Variants in CDH13 observed in about 807,000 individuals in gnomAD.
CDH13 encodes the protein cadherin 13.
CDH13 carries 24 observed loss-of-function variants against 63.8 expected under a neutral mutation model. That is an observed-to-expected ratio of 0.38 (90% CI 0.27 to 0.53). CDH13 has a LOEUF of 0.53. Ranked by LOEUF, CDH13 falls within the 20% of genes least tolerant of loss-of-function variation. CDH13 has a pLI of 0.85. For missense variants in CDH13, 1,049 were observed against 903.1 expected (o/e 1.16, Z -2.07); for synonymous variants, 503 against 355.3 (o/e 1.42, Z -4.67).
At chr16:83,376,015 G>T (rs1323191133) in intron 6 of CDH13, among the ~76,000 whole-genome samples, 1 of 152,180 alleles carries the variant, frequency 6.6e-6, no homozygotes, top group African/African-American at 2.4e-5. Context: ...ACCAAGAGGA[G>T]CTTTAGGGAT....
intron 3 of CDH13, among the ~76,000 whole-genome samples, chr16:83,054,702 A>G (rs2030740517): frequency 6.6e-6 from 1 of 152,202 alleles, no homozygotes; most frequent in Non-Finnish European, 1.5e-5. Flanking sequence ...AAACTAATAT[A>G]TATAATAGAA....
intron 7 of CDH13, among the ~76,000 whole-genome samples, chr16:83,592,854 A>G (rs1194835410): frequency 6.6e-6 from 1 of 152,198 alleles, no homozygotes; most frequent in Non-Finnish European, 1.5e-5. Flanking sequence ...AGGTAAGGTG[A>G]AAAGAGGCCT....
At chr16:83,646,268 C>T (rs557088083) in intron 8 of CDH13, among the ~76,000 whole-genome samples, 5 of 152,302 alleles carry the variant, frequency 3.3e-5, no homozygotes, top group East Asian at 3.9e-4. Context: ...GAGCTCATGA[C>T]GGTAACCTAC....
chr16:83,436,962 G>C (rs1314512677), intron 6 of CDH13, among the ~76,000 whole-genome samples: 1 of 152,144 alleles, frequency 6.6e-6, no homozygotes, highest in African/African-American at 2.4e-5. Flanking sequence ...TAATGTAGGA[G>C]ACTGGGATGG....
intron 6 of CDH13, among the ~76,000 whole-genome samples, chr16:83,442,448 C>T (rs1290194949): frequency 6.6e-6 from 1 of 152,236 alleles, no homozygotes; most frequent in Non-Finnish European, 1.5e-5. Flanking sequence ...TGGCCAGTAT[C>T]TTTCTGGATG....
intron 1 of CDH13, among the ~76,000 whole-genome samples, chr16:82,773,105 G>A (rs918765705): frequency 1.3e-5 from 2 of 152,216 alleles, no homozygotes; most frequent in African/African-American, 4.8e-5. Context: ...TCATCTCTCA[G>A]AATCAGCTCC....
intron 7 of CDH13, among the ~76,000 whole-genome samples, chr16:83,558,110 C>G (rs1190033897): frequency 6.6e-6 from 1 of 152,166 alleles, no homozygotes; most frequent in Admixed American, 6.5e-5. Flanking sequence ...AAGAGTTTTG[C>G]TACACTGACA....
chr16:83,731,055 A>G (rs146880827), intron 10 of CDH13, among the ~76,000 whole-genome samples: 111 of 152,298 alleles, frequency 7.3e-4, no homozygotes, highest in African/African-American at 2.6e-3. Context: ...TTCTTTATCC[A>G]TTCCACCATT....
chr16:82,938,069 G>C (rs9938070), intron 2 of CDH13, among the ~76,000 whole-genome samples: 11,033 of 152,178 alleles, frequency 0.073, 1,270 homozygotes, highest in African/African-American at 0.24. Flanking sequence ...CTGCAACAGC[G>C]GTAGCAACAA....
Position 83,656,642 on chromosome 16 carries a change from G to A in CDH13, c.1102-14148G>A, listed in dbSNP as rs540355271. Among the ~76,000 whole-genome samples, 354 of 152,336 alleles carry A rather than the reference G, an allele frequency of 2.3e-3. 2 individuals are homozygous for A. Among genetic ancestry groups the A allele is most frequent in the African/African-American group, 8.1e-3 (336 of 41,570 alleles). On this transcript the variant is annotated intron_variant, in intron 8 of 13. Coordinates refer to ENST00000567109, the MANE Select transcript of CDH13 (RefSeq NM_001257.5). ...ACCCTTGAATGGTAAAGGTGATTTA[G>A]TGGAATCTTGATCAAGGCTCCTGAG... is the stretch of plus-strand genomic sequence containing the variant.
chr16:83,439,153 G>C (rs2072410050), intron 6 of CDH13, among the ~76,000 whole-genome samples: 2 of 152,176 alleles, frequency 1.3e-5, no homozygotes, highest in African/African-American at 4.8e-5. Context: ...TTTAAAATCA[G>C]AGTAATAATA....
intron 3 of CDH13, among the ~76,000 whole-genome samples, chr16:83,077,417 T>C (rs1474378043): frequency 3.3e-5 from 5 of 152,006 alleles, no homozygotes; most frequent in Non-Finnish European, 7.4e-5. Context: ...GGTCTCGAAC[T>C]CCTGACCTCA....
Position 83,678,406 on chromosome 16 carries a change from G to T in CDH13, c.1483G>T (p.Val495Leu). 1 of 1,613,950 alleles carries T rather than the reference G, an allele frequency of 6.2e-7. No homozygotes were observed. Reference sequence around the variant, plus strand: ...GCAGGAGGACCTCTCTGTGGGCAGCGTGCTGCTGACAGTGAATGCCACGGA... The same window carrying T: ...GCAGGAGGACCTCTCTGTGGGCAGCTTGCTGCTGACAGTGAATGCCACGGA... ...TRQEDLSVGSVLLTVNATDPD... is the reference protein window; with the variant it reads ...TRQEDLSVGSLLLTVNATDPD... Residue 495 changes from valine (V) to leucine (L), a missense_variant, in exon 10 of 14, where the codon GTG becomes TTG. Val to Leu is a conservative substitution (Grantham distance 32, BLOSUM62 1). Transcript: ENST00000567109.
At chr16:83,763,265 G>T (rs1211434476) in intron 11 of CDH13, among the ~76,000 whole-genome samples, 4 of 152,164 alleles carry the variant, frequency 2.6e-5, no homozygotes, top group Non-Finnish European at 5.9e-5. Context: ...AATTAAAATG[G>T]AATAGACTAA....
At chr16:83,524,445 C>CT (rs150233410) in intron 7 of CDH13, among the ~76,000 whole-genome samples, 31 of 59,266 alleles carry the variant, frequency 5.2e-4, no homozygotes, top group African/African-American at 1.3e-3. Flanking sequence ...TTTCTTTTTT[C>CT]TTTTTTTTTT....
chr16:83,129,578 C>T (rs2035959600), intron 4 of CDH13, among the ~76,000 whole-genome samples: 1 of 152,156 alleles, frequency 6.6e-6, no homozygotes, highest in African/African-American at 2.4e-5. Flanking sequence ...GTTACACCAC[C>T]CCCAGGGGAT....
At chr16:83,034,075 T>C (rs1916627535) in intron 3 of CDH13, among the ~76,000 whole-genome samples, 2 of 152,140 alleles carry the variant, frequency 1.3e-5, no homozygotes, top group Non-Finnish European at 2.9e-5. Flanking sequence ...GTCTGTGTGA[T>C]CTTGAGAGCA....
intron 1 of CDH13, among the ~76,000 whole-genome samples, chr16:82,700,322 T>C (rs1443676027): frequency 1.3e-5 from 2 of 152,182 alleles, no homozygotes; most frequent in Admixed American, 1.3e-4. Context: ...GAGAACACTT[T>C]AAAGAACAGA....
rs141860291 is a variant in CDH13 at position 83,616,545 on chromosome 16, C to G, written c.1101+13951C>G. 5.5e-3 allele frequency among the ~76,000 whole-genome samples: 835 copies of G among 152,138 alleles called. 3 individuals are homozygous for G. Among genetic ancestry groups the G allele is most frequent in the Middle Eastern group, 0.02 (6 of 294 alleles). On this transcript the variant is annotated intron_variant, in intron 8 of 13. Transcript: ENST00000567109. ...GCACAGTGGCCTCTGAAGACTTCATCCACCTCCTTCTATTCAAAGATAATA... is the reference window on the plus strand; with the variant it reads ...GCACAGTGGCCTCTGAAGACTTCATGCACCTCCTTCTATTCAAAGATAATA...
Sources: gnomAD v4.1 joint callset for allele counts (sites outside exome capture counted in the v4.1 genomes callset) on GRCh38, gnomAD v4.1.1 for gene constraint, MANE v1.5 for transcripts, NCBI Gene and HGNC (gene_info 2026-07-23, HGNC 2026-07-21) for gene names.